The following MYO5A variants were observed in gnomAD, a reference collection of about 807,000 sequenced individuals.
MYO5A encodes unconventional myosin-Va.
Under a neutral mutation model 249.7 loss-of-function variants are expected in MYO5A, and 98 were observed. That is an observed-to-expected ratio of 0.39 (90% CI 0.33 to 0.46). MYO5A has a LOEUF of 0.46. Ranked by LOEUF, MYO5A falls within the 20% of genes least tolerant of loss-of-function variation. MYO5A has a pLI of 0.98. For missense variants in MYO5A, 1,696 were observed against 2,308.8 expected, an observed-to-expected ratio of 0.73 and a Z score of 5.44; for synonymous variants, 778 against 810.6, an observed-to-expected ratio of 0.96 and a Z score of 0.68.
At chr15:52,364,780 C>T (rs1249588457) in intron 23 of MYO5A, 78 bp from the exon 24 acceptor site, 22 of 1,541,260 alleles carry the variant, frequency 1.4e-5, no homozygotes, top group Non-Finnish European at 1.8e-5. Context: ...TACTGATTTC[C>T]AGTTTCTCTG....
rs2076850656 is a variant in MYO5A, at chr15:52,487,666, G to A, written c.27+41114C>T. 2.0e-5 allele frequency among the ~76,000 whole-genome samples: 3 copies of A among 150,694 alleles called. No individual in the cohort carries two copies. In the South Asian group the frequency reaches 6.3e-4, roughly 32 times the overall value. On this transcript the variant is annotated intron_variant, in intron 1 of 41. Transcript: ENST00000399233. ...TGGAACCCAGGAGGCAGGGGTTGCA[G>A]TGAGCCAAGATCATGCCACTGCACT...
Position 52,407,407 on chromosome 15 carries a change from G to A in MYO5A, c.839-8C>T, listed in dbSNP as rs1272427072. On this transcript the variant is annotated splice_polypyrimidine_tract_variant and splice_region_variant and intron_variant, in intron 7 of 41. Transcript: ENST00000399233. ...TAAAGTTATCTGCATTTCCTGTAAT[G>A]AAGAAAAATAAAAATTTTCTGGTTT... 3 of 1,605,910 alleles carry A rather than the reference G, an allele frequency of 1.9e-6. No homozygotes were observed. Among genetic ancestry groups the A allele is most frequent in the East Asian group, 2.2e-5 (1 of 44,808 alleles).
chr15:52,485,494 A>G (rs924597439), intron 1 of MYO5A, among the ~76,000 whole-genome samples: 6 of 152,190 alleles, frequency 3.9e-5, no homozygotes, highest in African/African-American at 1.4e-4. Context: ...TGAATTCTAG[A>G]ATAACAAGGT....
rs147222680 is a variant in MYO5A at position 52,448,255 on chromosome 15, T to C, written c.28-14970A>G. ...AGACAGAGAGCCAAAGGAGATTCTT[T>C]TGGAACTTTAAGATTTAATGACTGT... On this transcript the variant is annotated intron_variant, in intron 1 of 41. Transcript: ENST00000399233. 4.3e-4 allele frequency among the ~76,000 whole-genome samples: 65 copies of C among 152,338 alleles called. 1 individual carries two copies. The highest frequency in any genetic ancestry group is 1.5e-3 in the East Asian group (8 of 5,184).
intron 11 of MYO5A, 69 bp from the exon 12 acceptor site, chr15:52,392,139 C>A: frequency 6.9e-7 from 1 of 1,456,962 alleles, no homozygotes; most frequent in South Asian, 1.2e-5. Flanking sequence ...CAAGATGATA[C>A]CAACATAATT....
rs183166883 is a variant in MYO5A at position 52,327,872 on chromosome 15, T to C, written c.4690A>G (p.Ser1564Gly). The stretch of plus-strand genomic sequence containing the variant: ...CTGACCTTCAATACTTTTTTGATGC[T>C]GTTAATTGTTGATGTTAGCAACGAC... Reference protein sequence around the residue: ...VRSLLTSTINSIKKVLKKRGD... With the variant: ...VRSLLTSTINGIKKVLKKRGD... The change falls in exon 36 of 42, where the codon AGC (serine) becomes GGC (glycine). Residue 1564 changes from serine to glycine, a missense_variant. By Grantham distance (56) the Ser-to-Gly change is moderately conservative. This residue lies in a region of MYO5A where 625 missense variants were observed against 908.1 expected (regional missense o/e 0.69). Coordinates refer to ENST00000399233, the MANE Select transcript of MYO5A (RefSeq NM_001382347.1). 6.2e-7 allele frequency: 1 copy of C among 1,613,982 alleles called. No individual in the cohort carries two copies. Among genetic ancestry groups the C allele is most frequent in the Admixed American group, 1.7e-5 (1 of 60,036 alleles).
chr15:52,361,505 C>T (rs975239477), intron 24 of MYO5A, among the ~76,000 whole-genome samples: 13 of 152,128 alleles, frequency 8.5e-5, no homozygotes, highest in African/African-American at 2.4e-4. Context: ...TGATTAAGTG[C>T]TCTGGATCTG....
intron 34 of MYO5A, chr15:52,331,725 T>C (rs2038897421): frequency 1.0e-6 from 1 of 985,292 alleles, no homozygotes; most frequent in Non-Finnish European, 1.2e-6. Context: ...TTATGTGGCA[T>C]GGAGCCTGGT....
intron 12 of MYO5A, 121 bp from the exon 13 acceptor site, chr15:52,389,484 T>A: frequency 2.1e-6 from 2 of 943,128 alleles, no homozygotes; most frequent in Non-Finnish European, 1.6e-6. Context: ...CTTTTACAAT[T>A]CAATTTAGGA....
intron 4 of MYO5A, among the ~76,000 whole-genome samples, chr15:52,425,409 G>A (rs1400003204): frequency 6.6e-6 from 1 of 152,012 alleles, no homozygotes; most frequent in Non-Finnish European, 1.5e-5. Flanking sequence ...GCCCAGGTTG[G>A]AGTGCAGTGG....
chr15:52,473,559 A>G (rs1012734786), intron 1 of MYO5A, among the ~76,000 whole-genome samples: 26 of 152,270 alleles, frequency 1.7e-4, no homozygotes, highest in African/African-American at 6.0e-4. Flanking sequence ...TCCATCGTGA[A>G]TTAATTTTCG....
chr15:52,505,102 C>T (rs1432253523), intron 1 of MYO5A: 1 of 624,346 alleles, frequency 1.6e-6, no homozygotes, highest in Admixed American at 2.8e-5. Context: ...TTTTCAAATG[C>T]AACAAAAGGT....
At chr15:52,330,313 G>A in intron 35 of MYO5A, 40 bp downstream of exon 35, 1 of 1,613,696 alleles carries the variant, frequency 6.2e-7, no homozygotes, top group Non-Finnish European at 8.5e-7. Flanking sequence ...ATTAACCCAT[G>A]TGCCAGAAGG....
At chr15:52,415,563 C>T (rs994757127) in intron 5 of MYO5A, among the ~76,000 whole-genome samples, 1 of 151,758 alleles carries the variant, frequency 6.6e-6, no homozygotes. Context: ...ATGTGCTTGA[C>T]AGAACAACAA....
intron 11 of MYO5A, among the ~76,000 whole-genome samples, chr15:52,393,868 A>G (rs1179594918): frequency 1.3e-5 from 2 of 152,246 alleles, no homozygotes; most frequent in Non-Finnish European, 2.9e-5. Context: ...TGGTACGAGT[A>G]TCTTCCAAAA....
chr15:52,366,520 C>A (rs771591407), intron 23 of MYO5A, among the ~76,000 whole-genome samples: 8 of 147,960 alleles, frequency 5.4e-5, no homozygotes, highest in Non-Finnish European at 5.9e-5. Context: ...ACCCCACAAA[C>A]AGAAAATAGA....
At chr15:52,389,176 A>T in intron 13 of MYO5A, 62 bp downstream of exon 13, 1 of 1,537,674 alleles carries the variant, frequency 6.5e-7, no homozygotes, top group Non-Finnish European at 8.9e-7. Context: ...ATACCTCCTG[A>T]CTATTGGGTT....
chr15:52,337,629 T>G (rs1223503569), intron 33 of MYO5A, among the ~76,000 whole-genome samples, 181 bp downstream of exon 33: 1 of 152,120 alleles, frequency 6.6e-6, no homozygotes, highest in African/African-American at 2.4e-5. Context: ...AACGTGACAA[T>G]GGACTCAGGA....
chr15:52,512,223 T>C (rs2077406674), intron 1 of MYO5A, among the ~76,000 whole-genome samples: 1 of 151,918 alleles, frequency 6.6e-6, no homozygotes, highest in Non-Finnish European at 1.5e-5. Flanking sequence ...ATTGTTATAG[T>C]AGAAAAATGG....
Sources: allele counts gnomAD v4.1 joint callset (sites outside exome capture counted in the v4.1 genomes callset), GRCh38; gene constraint gnomAD v4.1.1; regional missense constraint gnomAD v4.1.1; transcripts MANE v1.5; gene names NCBI Gene and HGNC (gene_info 2026-07-23, HGNC 2026-07-21).